Variants in NAV3 observed in about 807,000 individuals in gnomAD.
NAV3 encodes neuron navigator 3.
Under a neutral mutation model 244.7 loss-of-function variants are expected in NAV3, and 87 were observed. The ratio of observed to expected loss-of-function variants is 0.36; its 90% CI spans 0.30 to 0.42. The LOEUF is 0.42. Ranked by LOEUF, NAV3 falls within the 20% of genes least tolerant of loss-of-function variation. The pLI is 1.00. For missense variants in NAV3, 2,663 were observed against 2,893.3 expected, an observed-to-expected ratio of 0.92 and a Z score of 1.83; for synonymous variants, 1,126 against 1,042.2, an observed-to-expected ratio of 1.08 and a Z score of -1.55.
At chr12:77,593,433 T>G (rs923700827) in intron 2 of NAV3, among the ~76,000 whole-genome samples, 1 of 151,360 alleles carries the variant, frequency 6.6e-6, no homozygotes, top group Admixed American at 6.6e-5. Flanking sequence ...CTCCCTTGTG[T>G]TTTTTTAATT....
chr12:77,678,586 C>G (rs914588420), intron 2 of NAV3, among the ~76,000 whole-genome samples: 17 of 152,306 alleles, frequency 1.1e-4, no homozygotes, highest in African/African-American at 4.1e-4. Flanking sequence ...CTGCGGAATG[C>G]TAGCTGGTGC....
chr12:78,178,215 G>A (rs115200838), intron 28 of NAV3, among the ~76,000 whole-genome samples: 12,388 of 147,650 alleles, frequency 0.084, 539 homozygotes, highest in African/African-American at 0.12. Flanking sequence ...GCTCGAGTGC[G>A]ATGTCAAGAT....
Position 77,672,625 on chromosome 12 carries a change from A to T in NAV3, c.72+100359A>T, listed in dbSNP as rs372810821. On this transcript the variant is annotated intron_variant, in intron 2 of 8. Transcript: ENST00000550042. ...CATATACATATGTATGTATATGTAT[A>T]AGCTATGAGGACACACAAGCATAAG... is the stretch of plus-strand genomic sequence containing the variant. Among the ~76,000 whole-genome samples the T allele has an allele frequency of 1.6e-4, 25 of 152,058 alleles. No homozygotes were observed. In the East Asian group the frequency reaches 2.3e-3, roughly 14 times the overall value.
chr12:77,865,083 T>C (rs1252126149), intron 1 of NAV3, among the ~76,000 whole-genome samples: 2 of 152,034 alleles, frequency 1.3e-5, no homozygotes, highest in Admixed American at 6.6e-5. Context: ...AGCATTTGTA[T>C]TGGCAATAAA....
At chr12:78,033,380 G>C (rs1879311146) in intron 9 of NAV3, among the ~76,000 whole-genome samples, 1 of 152,008 alleles carries the variant, frequency 6.6e-6, no homozygotes, top group Non-Finnish European at 1.5e-5. Context: ...CATTATAATA[G>C]CTATAACTTA....
chr12:77,808,353 G>C (rs1872094706), intron 2 of NAV3, among the ~76,000 whole-genome samples: 2 of 152,146 alleles, frequency 1.3e-5, no homozygotes, highest in African/African-American at 4.8e-5. Context: ...CCTTCGGATG[G>C]GGTTTTTGTG....
At chr12:77,793,941 C>T (rs562643516) in intron 2 of NAV3, among the ~76,000 whole-genome samples, 4 of 152,310 alleles carry the variant, frequency 2.6e-5, no homozygotes, top group African/African-American at 9.6e-5. Flanking sequence ...CTCCCACCAA[C>T]AGTGTAAAGC....
intron 12 of NAV3, among the ~76,000 whole-genome samples, chr12:78,081,007 A>G (rs1455797166): frequency 6.6e-6 from 1 of 152,238 alleles, no homozygotes; most frequent in Non-Finnish European, 1.5e-5. Context: ...CCATTTGACA[A>G]GCTAGCAGGT....
At chr12:77,743,421 A>G (rs796093803) in intron 2 of NAV3, among the ~76,000 whole-genome samples, 16 of 152,006 alleles carry the variant, frequency 1.1e-4, no homozygotes, top group African/African-American at 3.6e-4. Flanking sequence ...ATATACCTAC[A>G]TATGACACAG....
chr12:78,069,975 C>T (rs1952674285), intron 12 of NAV3, among the ~76,000 whole-genome samples: 1 of 152,012 alleles, frequency 6.6e-6, no homozygotes, highest in South Asian at 2.1e-4. Flanking sequence ...GGTTTTCCTG[C>T]TGACAAGATA....
chr12:77,931,382 G>A (rs964976123), intron 1 of NAV3, among the ~76,000 whole-genome samples: 1 of 113,332 alleles, frequency 8.8e-6, no homozygotes, highest in South Asian at 3.2e-4. Context: ...CATCCGCTGA[G>A]GAATGCAACT....
chr12:78,033,968 G>T (rs1011834603), intron 9 of NAV3, among the ~76,000 whole-genome samples: 4 of 152,156 alleles, frequency 2.6e-5, no homozygotes, highest in Non-Finnish European at 4.4e-5. Flanking sequence ...TGCTCTTGTA[G>T]CATGGTTGTT....
chr12:77,651,253 A>G (rs1033239485), intron 2 of NAV3, among the ~76,000 whole-genome samples: 3 of 152,160 alleles, frequency 2.0e-5, no homozygotes, highest in African/African-American at 7.2e-5. Flanking sequence ...ACCCAAGAGA[A>G]CATCCTACCC....
At chr12:77,940,552 A>T (rs1294781628) in intron 2 of NAV3, 116 bp downstream of exon 2, 1 of 737,468 alleles carries the variant, frequency 1.4e-6, no homozygotes, top group Non-Finnish European at 2.3e-6. Flanking sequence ...AGATTCATGT[A>T]GCTCTCCCCT....
chr12:78,065,192 A>C (rs1415973881), intron 12 of NAV3, among the ~76,000 whole-genome samples: 1 of 151,872 alleles, frequency 6.6e-6, no homozygotes, highest in Non-Finnish European at 1.5e-5. Flanking sequence ...TCCACCAGTC[A>C]TGAGAAGCCT....
At chr12:77,785,310 G>A (rs1327696638) in intron 2 of NAV3, among the ~76,000 whole-genome samples, 1 of 152,058 alleles carries the variant, frequency 6.6e-6, no homozygotes, top group Admixed American at 6.6e-5. Context: ...GTCCTGTACA[G>A]GGTAATAAAG....
At chr12:77,647,031 A>C (rs952788828) in intron 2 of NAV3, among the ~76,000 whole-genome samples, 2 of 150,312 alleles carry the variant, frequency 1.3e-5, no homozygotes, top group African/African-American at 2.5e-5. Context: ...ATACACACAC[A>C]CATATATACA....
rs34801447 is a variant in NAV3 at position 78,200,616 on chromosome 12, ATTT to A, written c.6834+32_6834+34del. 6.2e-3 allele frequency: 7,017 copies of A among 1,133,350 alleles called. 14 individuals are homozygous for A. The highest frequency in any genetic ancestry group is 9.2e-3 in the South Asian group (469 of 51,154). The allele number at this position is 1,133,350 out of a possible 1,614,324, so 70.2% of individuals were successfully genotyped here. ...GGTATAGTACTCAATTTTCATTGCT[ATTT>A]TTTTTTAAAAAAAAAAAGCAAAAAA... On this transcript the variant is annotated intron_variant, in intron 38 of 39. Transcript: ENST00000397909.
chr12:77,936,084 G>T (rs141672453), intron 1 of NAV3, among the ~76,000 whole-genome samples: 96 of 152,234 alleles, frequency 6.3e-4, no homozygotes, highest in African/African-American at 2.2e-3. Context: ...GGAATTTAGA[G>T]AAAAGAAATG....
Sources: allele counts gnomAD v4.1 joint callset (sites outside exome capture counted in the v4.1 genomes callset), GRCh38; gene constraint gnomAD v4.1.1; transcripts MANE v1.5; gene names NCBI Gene and HGNC (gene_info 2026-07-23, HGNC 2026-07-21).